The following CEP63 variants were observed in gnomAD, a reference collection of about 807,000 sequenced individuals.
The protein encoded by CEP63 is centrosomal protein of 63 kDa.
In CEP63, 84 loss-of-function variants were observed where a neutral mutation model predicts 89.1. That is an observed-to-expected ratio of 0.94 (90% CI 0.79 to 1.13). The LOEUF (loss-of-function observed/expected upper bound fraction) is 1.13. CEP63 is among the 50% of genes most tolerant of loss of function. The probability of loss-of-function intolerance (pLI) is 0.00; values close to 1 mark genes in which losing one functional copy is unlikely to be tolerated. For synonymous variants in CEP63, 267 were observed against 272.5 expected (o/e 0.98, Z 0.20); for missense variants, 838 against 813.3 (o/e 1.03, Z -0.37).
At chr3:134,675,510 A>G in the CEP63 span, among the ~76,000 whole-genome samples, 1 of 152,260 alleles carries the variant, frequency 6.6e-6, no homozygotes, top group Non-Finnish European at 1.5e-5. Flanking sequence ...AGCATGAGCA[A>G]TCAAATAAAA....
At chr3:134,603,641 G>A in the CEP63 span, 19 of 1,611,822 alleles carry the variant, frequency 1.2e-5, no homozygotes, top group African/African-American at 2.3e-4. Context: ...GCATTCTCCA[G>A]CACCATGACA....
the CEP63 span, chr3:134,620,834 G>A: frequency 1.0e-4 from 168 of 1,612,458 alleles, no homozygotes; most frequent in East Asian, 3.8e-4. Flanking sequence ...TCACCAGTTC[G>A]TCTAGGCCAC....
chr3:134,507,388 T>G (rs1943736107), intron 3 of CEP63, 102 bp downstream of exon 3: 1 of 869,244 alleles, frequency 1.2e-6, no homozygotes, highest in Non-Finnish European at 1.8e-6. Flanking sequence ...GTATACCAAG[T>G]TAGTTTATTG....
the CEP63 span, among the ~76,000 whole-genome samples, chr3:134,703,295 C>CA: frequency 1.3e-3 from 97 of 77,564 alleles, 1 homozygote; most frequent in African/African-American, 3.3e-3. Context: ...GACTCCGTCT[C>CA]AAAAAAAAAA....
At chr3:134,661,246 A>G in the CEP63 span, among the ~76,000 whole-genome samples, 75 of 152,234 alleles carry the variant, frequency 4.9e-4, no homozygotes, top group African/African-American at 1.8e-3. Context: ...CATCCACTCC[A>G]TCTATCCGAT....
intron 8 of CEP63, among the ~76,000 whole-genome samples, chr3:134,546,872 T>C (rs1203539903): frequency 6.6e-6 from 1 of 152,224 alleles, no homozygotes; most frequent in Non-Finnish European, 1.5e-5. Flanking sequence ...AAAATCCAAA[T>C]GTGCAGGGAA....
the CEP63 span, among the ~76,000 whole-genome samples, chr3:134,612,532 T>C: frequency 1.3e-5 from 2 of 152,082 alleles, no homozygotes; most frequent in South Asian, 4.1e-4. Flanking sequence ...AGGAAACAGC[T>C]AGCAGAGAAG....
chr3:134,491,688 T>C (rs536508474), intron 1 of CEP63, among the ~76,000 whole-genome samples: 1 of 152,334 alleles, frequency 6.6e-6, no homozygotes, highest in East Asian at 1.9e-4. Flanking sequence ...TTCTGGAAAA[T>C]GCTTAGTAAT....
intron 8 of CEP63, 58 bp from the exon 9 acceptor site, chr3:134,547,277 G>A (rs1953591736): frequency 2.1e-5 from 32 of 1,508,028 alleles, no homozygotes; most frequent in Non-Finnish European, 2.4e-5. Context: ...GACTAGATGA[G>A]CATTATTTTT....
the CEP63 span, among the ~76,000 whole-genome samples, chr3:134,778,753 G>C: frequency 6.6e-6 from 1 of 152,064 alleles, no homozygotes; most frequent in African/African-American, 2.4e-5. Context: ...GTAGAGACAG[G>C]GTTTCACCAT....
At chr3:134,627,669 A>C in the CEP63 span, 1 of 1,222,616 alleles carries the variant, frequency 8.2e-7, no homozygotes, top group Admixed American at 1.8e-5. Flanking sequence ...ATAGTGGCCC[A>C]GGAAGCAACT....
At chr3:134,598,371 T>C in the CEP63 span, among the ~76,000 whole-genome samples, 1 of 152,110 alleles carries the variant, frequency 6.6e-6, no homozygotes, top group East Asian at 1.9e-4. Context: ...TAAAAACCAG[T>C]TTTTTGTTGA....
intron 2 of CEP63, among the ~76,000 whole-genome samples, chr3:134,504,722 C>T (rs1443880692): frequency 6.6e-6 from 1 of 152,206 alleles, no homozygotes; most frequent in East Asian, 1.9e-4. Context: ...TTTTCTCTTG[C>T]TGGAATAGCA....
At chr3:134,716,870 G>A in the CEP63 span, among the ~76,000 whole-genome samples, 4 of 147,434 alleles carry the variant, frequency 2.7e-5, no homozygotes, top group Admixed American at 1.4e-4. Flanking sequence ...TCAAATCTTC[G>A]CTGCAACACT....
the CEP63 span, among the ~76,000 whole-genome samples, chr3:134,732,390 T>C: frequency 6.6e-6 from 1 of 152,026 alleles, no homozygotes; most frequent in African/African-American, 2.4e-5. Context: ...GATTCCAAAA[T>C]GCTGTAATCA....
At chr3:134,653,851 A>G in the CEP63 span, among the ~76,000 whole-genome samples, 1 of 152,158 alleles carries the variant, frequency 6.6e-6, no homozygotes, top group Non-Finnish European at 1.5e-5. Flanking sequence ...TTCAACAGAA[A>G]CCATGTCCTC....
At chr3:134,589,580 T>A (rs1191373844), downstream of CEP63, among the ~76,000 whole-genome samples, 1 of 70,912 alleles carries the variant, frequency 1.4e-5, no homozygotes, top group Non-Finnish European at 2.7e-5. Context: ...ATGGCTATTA[T>A]TAAAATGTCA....
intron 9 of CEP63, 23 bp from the exon 10 acceptor site, chr3:134,549,039 G>A (rs764277855): frequency 3.3e-6 from 5 of 1,501,366 alleles, no homozygotes; most frequent in Middle Eastern, 1.7e-4. Context: ...TTTTAAGTAT[G>A]GGATCTTATT....
chr3:134,604,192 G>A, the CEP63 span: 5 of 1,611,790 alleles, frequency 3.1e-6, no homozygotes, highest in Middle Eastern at 1.7e-4. Context: ...CATCTGCTCC[G>A]AGAACCAGCT....
Sources: gnomAD v4.1 joint callset for allele counts (sites outside exome capture counted in the v4.1 genomes callset) on GRCh38, gnomAD v4.1.1 for gene constraint, MANE v1.5 for transcripts, NCBI Gene and HGNC (gene_info 2026-07-23, HGNC 2026-07-21) for gene names.